The following PCDHGA1 variants were observed in gnomAD, a reference collection of about 807,000 sequenced individuals.
PCDHGA1 encodes the protein protocadherin gamma subfamily A, 1.
A neutral mutation model predicts 58.0 loss-of-function variants in PCDHGA1; 32 were observed. The observed-to-expected ratio is 0.55, with a 90% CI of 0.42 to 0.74. The LOEUF (loss-of-function observed/expected upper bound fraction) is 0.74. PCDHGA1 is among the 30% of genes least tolerant of loss of function. PCDHGA1 has a pLI of 0.00. For synonymous variants in PCDHGA1, 498 were observed against 501.1 expected (o/e 0.99, Z 0.08); for missense variants, 1,205 against 1,182.3 (o/e 1.02, Z -0.28).
intron 1 of PCDHGA1, among the ~76,000 whole-genome samples, chr5:141,459,742 T>C (rs2098974738): frequency 6.6e-6 from 1 of 152,248 alleles, no homozygotes; most frequent in Non-Finnish European, 1.5e-5. Context: ...TTTTAAATTT[T>C]AGCAATTCTA....
At chr5:141,345,511 A>C in intron 1 of PCDHGA1, 2 of 1,614,146 alleles carry the variant, frequency 1.2e-6, no homozygotes, top group Non-Finnish European at 1.7e-6. Flanking sequence ...GCATTGACCG[A>C]GGACACTCTC....
At chr5:141,346,378 A>T in intron 1 of PCDHGA1, 1 of 1,614,264 alleles carries the variant, frequency 6.2e-7, no homozygotes, top group Non-Finnish European at 8.5e-7. Context: ...CTCATCAGCC[A>T]GGAGAGCTGT....
At chr5:141,403,773 AC>A (rs2094454199) in intron 1 of PCDHGA1, 1 of 1,613,838 alleles carries the variant, frequency 6.2e-7, no homozygotes, top group South Asian at 1.1e-5. Flanking sequence ...GAGGGAATCA[AC>A]GGAAAAGTGG....
chr5:141,421,760 A>G, intron 1 of PCDHGA1: 1 of 1,613,868 alleles, frequency 6.2e-7, no homozygotes, highest in South Asian at 1.1e-5. Context: ...CCTAATAATT[A>G]CTTTTCCTTG....
In PCDHGA1 at chr5:141,383,778, T is replaced by C. The variant is rs764919264; in HGVS notation, c.2421+50673T>C. 5 of 1,613,886 alleles carry C rather than the reference T, an allele frequency of 3.1e-6. No individual in the cohort carries two copies. In the African/African-American group the frequency reaches 6.7e-5, roughly 22 times the overall value. ...CTCCTAAACTTCCAAAGATGTTTCA[T>C]CTGAACTCGCTTACAGGAGAAATAT... On this transcript the variant is annotated intron_variant, in intron 1 of 3. Coordinates refer to ENST00000517417, the MANE Select transcript of PCDHGA1 (RefSeq NM_018912.3).
At chr5:141,397,693 A>G (rs1389804077) in intron 1 of PCDHGA1, among the ~76,000 whole-genome samples, 2 of 152,244 alleles carry the variant, frequency 1.3e-5, no homozygotes, top group East Asian at 1.9e-4. Flanking sequence ...TTGTATAAAA[A>G]CCCAACGTGA....
chr5:141,450,490 T>C (rs1480357834), intron 1 of PCDHGA1, among the ~76,000 whole-genome samples: 1 of 152,164 alleles, frequency 6.6e-6, no homozygotes, highest in Non-Finnish European at 1.5e-5. Context: ...TTTGTTTGTC[T>C]GTTTGTTTGT....
At chr5:141,438,282 T>C (rs915347472) in intron 1 of PCDHGA1, among the ~76,000 whole-genome samples, 1 of 151,630 alleles carries the variant, frequency 6.6e-6, no homozygotes, top group African/African-American at 2.4e-5. Context: ...CAAAATAATT[T>C]AATCTGTATG....
chr5:141,424,036 C>A, intron 1 of PCDHGA1: 1 of 1,029,606 alleles, frequency 9.7e-7, no homozygotes, highest in Non-Finnish European at 1.2e-6. Context: ...CTTTTTATTT[C>A]CATTTCAATT....
intron 1 of PCDHGA1, chr5:141,404,926 C>CA (rs765817542): frequency 1.2e-6 from 2 of 1,613,884 alleles, no homozygotes; most frequent in Non-Finnish European, 1.7e-6. Context: ...CGGCCACTGT[C>CA]ACGCTCACAG....
intron 1 of PCDHGA1, chr5:141,414,836 T>C: frequency 6.2e-7 from 1 of 1,614,222 alleles, no homozygotes; most frequent in Non-Finnish European, 8.5e-7. Context: ...TCGTTGAGCC[T>C]GTTTGTGCTG....
At chr5:141,420,001 C>T in intron 1 of PCDHGA1, 1 of 1,614,084 alleles carries the variant, frequency 6.2e-7, no homozygotes, top group Non-Finnish European at 8.5e-7. Flanking sequence ...TTGCTCTACG[C>T]CTGCGACAGT....
intron 1 of PCDHGA1, among the ~76,000 whole-genome samples, chr5:141,465,347 G>A (rs2099101721): frequency 6.6e-6 from 1 of 151,938 alleles, no homozygotes; most frequent in South Asian, 2.1e-4. Context: ...GGTTACTGAA[G>A]AAAAAATGGG....
At chr5:141,399,758 T>G in intron 1 of PCDHGA1, 1 of 1,613,334 alleles carries the variant, frequency 6.2e-7, no homozygotes, top group Non-Finnish European at 8.5e-7. Context: ...AACGTGAGCC[T>G]GCGCGTGTTG....
chr5:141,398,325 G>A, intron 1 of PCDHGA1: 9 of 1,355,732 alleles, frequency 6.6e-6, no homozygotes, highest in Non-Finnish European at 8.2e-6. Flanking sequence ...CTCGAAAACT[G>A]CGCGTCAGTT....
intron 1 of PCDHGA1, chr5:141,351,367 C>T (rs1253333383): frequency 6.2e-7 from 1 of 1,612,826 alleles, no homozygotes; most frequent in Non-Finnish European, 8.5e-7. Flanking sequence ...AAGTGCGAGA[C>T]AAGGATTCTG....
intron 1 of PCDHGA1, chr5:141,399,868 G>A (rs1410554488): frequency 6.2e-7 from 1 of 1,612,710 alleles, no homozygotes; most frequent in African/African-American, 1.3e-5. Flanking sequence ...TGCAGAGCCC[G>A]GCTACCTGGT....
chr5:141,505,891 G>A (rs541853565), intron 3 of PCDHGA1, among the ~76,000 whole-genome samples: 9 of 152,288 alleles, frequency 5.9e-5, no homozygotes, highest in Admixed American at 5.9e-4. Context: ...GATTAAATGA[G>A]ATGATACCAC....
At position 141,346,040 on chromosome 5, in the gene PCDHGA1, C is replaced by T. The variant is rs540686515; in HGVS notation, c.2421+12935C>T. ...CCGTGGCCGTGGCCGACAGGATCCC[C>T]GACATCCTGGCCGACCTGGGCAGCC... On this transcript the variant is annotated intron_variant, in intron 1 of 3. Coordinates refer to ENST00000517417, the MANE Select transcript of PCDHGA1 (RefSeq NM_018912.3). 6 of 1,613,578 alleles carry T rather than the reference C, an allele frequency of 3.7e-6. No homozygotes were observed. The South Asian group carries it at 5.5e-5, about 15-fold the overall frequency.
Sources: allele counts gnomAD v4.1 joint callset (sites outside exome capture counted in the v4.1 genomes callset), GRCh38; gene constraint gnomAD v4.1.1; transcripts MANE v1.5; gene names NCBI Gene and HGNC (gene_info 2026-07-23, HGNC 2026-07-21).